CYTH4: variants seen among roughly 807,000 people sequenced by gnomAD.
CYTH4 encodes cytohesin 4.
In CYTH4, 22 loss-of-function variants were observed where a neutral mutation model predicts 57.5. The observed-to-expected ratio is 0.38, with a 90% CI of 0.27 to 0.55. CYTH4 has a LOEUF of 0.55. CYTH4 is among the 20% of genes least tolerant of loss of function. The pLI, the probability that CYTH4 is intolerant of heterozygous loss-of-function variation, is 0.74. For missense variants in CYTH4, 420 were observed against 535.6 expected (o/e 0.78, Z 2.13); for synonymous variants, 186 against 206.5 (o/e 0.90, Z 0.85).
chr22:37,286,758 G>C (rs759701592), intron 1 of CYTH4, among the ~76,000 whole-genome samples: 4 of 152,150 alleles, frequency 2.6e-5, no homozygotes, highest in African/African-American at 9.7e-5. Context: ...GAGCTGGGAC[G>C]GGGAGGGGCA....
intron 1 of CYTH4, among the ~76,000 whole-genome samples, chr22:37,283,955 C>T (rs1370081434): frequency 1.3e-5 from 2 of 151,976 alleles, no homozygotes; most frequent in African/African-American, 4.8e-5. Context: ...CTTTCGGGTC[C>T]TAACATACTG....
At chr22:37,289,183 G>A (rs1178205722) in intron 1 of CYTH4, among the ~76,000 whole-genome samples, 5 of 152,248 alleles carry the variant, frequency 3.3e-5, no homozygotes, top group African/African-American at 7.2e-5. Context: ...CCGCTCCCAC[G>A]GGGTCATCCA....
At chr22:37,297,542 G>A (rs759641890) in intron 4 of CYTH4, 22 bp from the exon 5 acceptor site, 36 of 1,607,906 alleles carry the variant, frequency 2.2e-5, no homozygotes, top group Middle Eastern at 1.7e-4. Context: ...AGCTGCTCAC[G>A]GCTTCTGTGT....
chr22:37,282,714 G>A, intron 1 of CYTH4, 126 bp downstream of exon 1: 1 of 860,462 alleles, frequency 1.2e-6, no homozygotes, highest in East Asian at 2.8e-5. Flanking sequence ...GCTGCAAGAA[G>A]CAAACATTTG....
At chr22:37,306,349 G>T (rs1211932327) in intron 8 of CYTH4, among the ~76,000 whole-genome samples, 3 of 152,214 alleles carry the variant, frequency 2.0e-5, no homozygotes, top group East Asian at 1.9e-4. Context: ...CCTTGCCCAG[G>T]CCTCTCGGTC....
intron 2 of CYTH4, among the ~76,000 whole-genome samples, chr22:37,294,139 C>T (rs56229578): frequency 0.023 from 3,275 of 140,032 alleles, 126 homozygotes; most frequent in African/African-American, 0.083. Flanking sequence ...AGACACCAGC[C>T]GGGAGAGGCA....
At chr22:37,284,134 C>A (rs1276194115) in intron 1 of CYTH4, among the ~76,000 whole-genome samples, 1 of 152,144 alleles carries the variant, frequency 6.6e-6, no homozygotes, top group Non-Finnish European at 1.5e-5. Flanking sequence ...ATGGAGAGGG[C>A]AGGGGAGGGG....
In CYTH4 at chr22:37,309,285, T is replaced by C; in HGVS notation, c.770T>C (p.Phe257Ser). The stretch of plus-strand genomic sequence containing the variant: ...GACGGCAATGACCTCACTCACACCT[T>C]CTTCAATCCAGACCGGGAGGGTTGG... ...EDDGNDLTHT[F>S]FNPDREGWLL... The change falls in exon 9 of 13, where the codon TTC becomes TCC. Residue 257 changes from phenylalanine (F) to serine (S), a missense_variant. Coordinates refer to ENST00000248901, the MANE Select transcript of CYTH4 (RefSeq NM_013385.5). 6.2e-7 allele frequency: 1 copy of C among 1,614,082 alleles called. No homozygotes were observed. Among genetic ancestry groups the C allele is most frequent in the Non-Finnish European group, 8.5e-7 (1 of 1,179,972 alleles).
At chr22:37,294,815 C>T in intron 3 of CYTH4, 91 bp downstream of exon 3, 7 of 1,456,930 alleles carry the variant, frequency 4.8e-6, no homozygotes, top group Admixed American at 1.7e-5. Context: ...CACTCCCAGC[C>T]CCCTGGACCT....
chr22:37,312,262 G>A, intron 12 of CYTH4, 88 bp downstream of exon 12: 2 of 1,526,798 alleles, frequency 1.3e-6, no homozygotes, highest in Non-Finnish European at 1.8e-6. Context: ...ATCTGTAAAG[G>A]GGCTAACTCC....
At chr22:37,309,147 C>G in intron 8 of CYTH4, 65 bp from the exon 9 acceptor site, 1 of 1,450,272 alleles carries the variant, frequency 6.9e-7, no homozygotes. Flanking sequence ...CAGGCCAGGC[C>G]AGGCCTAGGC....
At chr22:37,290,275 A>G (rs755491088) in intron 1 of CYTH4, among the ~76,000 whole-genome samples, 3 of 152,124 alleles carry the variant, frequency 2.0e-5, no homozygotes, top group Non-Finnish European at 4.4e-5. Context: ...CCTGTGTCCA[A>G]CAATCCTCAG....
In CYTH4 at chr22:37,313,939, G is replaced by T. The variant is rs759347904; in HGVS notation, c.*428G>T. The T allele has an allele frequency of 2.1e-5, 5 of 236,810 alleles. No homozygotes were observed. In the Admixed American group the frequency reaches 2.5e-4, roughly 12 times the overall value. The allele number at this position is 236,810 out of a possible 1,614,324, so 14.7% of individuals were successfully genotyped here. ...CTAAGTGATTCTTCTCCCTGGCAAG[G>T]CTCTTCCTTTTCAGGGATATCTCTG... On this transcript the variant is annotated 3_prime_UTR_variant, in exon 13 of 13. Transcript: ENST00000248901.
rs776109061 is a variant in CYTH4, at chr22:37,303,273, C to T, written c.567C>T (p.Ser189=). ...FQSTDTCYVL[S]FSIIMLNTSL... ...CCGCAGACACCTGCTACGTGTTGTC[C>T]TTCTCCATCATCATGCTCAACACCA... Residue 189 remains serine (S), a synonymous_variant, in exon 8 of 13, where the codon TCC becomes TCT. Transcript: ENST00000248901. 3 of 1,614,192 alleles carry T rather than the reference C, an allele frequency of 1.9e-6. No individual in the cohort carries two copies. The Admixed American group carries it at 5.0e-5, about 27-fold the overall frequency.
rs764794103 is a variant in CYTH4 at position 37,303,421 on chromosome 22, A to ACCTC, written c.696+21_696+22insTCCC. 1.9e-6 allele frequency: 3 copies of ACCTC among 1,608,910 alleles called. No individual in the cohort carries two copies. Among genetic ancestry groups the ACCTC allele is most frequent in the Non-Finnish European group, 2.5e-6 (3 of 1,177,800 alleles). ...GCTGCGGGTGAGAGAGGCGCAGCCC[A>ACCTC]CCCAGCCTGGCCCCGGGGAATCCAG... On this transcript the variant is annotated intron_variant, in intron 8 of 12. Coordinates refer to ENST00000248901, the MANE Select transcript of CYTH4 (RefSeq NM_013385.5).
At chr22:37,300,697 C>G (rs1387980207) in intron 6 of CYTH4, among the ~76,000 whole-genome samples, 1 of 152,230 alleles carries the variant, frequency 6.6e-6, no homozygotes, top group Non-Finnish European at 1.5e-5. Context: ...TGCTTAGTTC[C>G]GTATTCTGCA....
chr22:37,287,871 G>A (rs1355065722), intron 1 of CYTH4, among the ~76,000 whole-genome samples: 5 of 152,206 alleles, frequency 3.3e-5, no homozygotes, highest in African/African-American at 9.7e-5. Flanking sequence ...CTGGCATGGA[G>A]TAGGTGTTTG....
rs143907233 is a variant in CYTH4, at chr22:37,307,908, A to G, written c.697-1304A>G. On this transcript the variant is annotated intron_variant, in intron 8 of 12. Coordinates refer to ENST00000248901, the MANE Select transcript of CYTH4 (RefSeq NM_013385.5). ...GCACCAGCAGCCACACCTTGCCCAC[A>G]GGGAACTCGCAGACCTGGCTTACTT... is the stretch of plus-strand genomic sequence containing the variant. Among the ~76,000 whole-genome samples the G allele has an allele frequency of 3.1e-3, 477 of 152,306 alleles. 2 individuals are homozygous for G. Among genetic ancestry groups the G allele is most frequent in the African/African-American group, 0.011 (469 of 41,574 alleles).
At position 37,311,929 on chromosome 22, in the gene CYTH4, A is replaced by C; in HGVS notation, c.958-91A>C. On this transcript the variant is annotated intron_variant, in intron 11 of 12. Coordinates refer to ENST00000248901, the MANE Select transcript of CYTH4 (RefSeq NM_013385.5). This position sits in a 1 kb window ranked among gnomAD's most constrained non-coding sequence, Gnocchi z 4.4. ...CTGTCGTAGGGCTGTCACGCTGATC[A>C]GGGACACTAGCGTCTGGGCTTCTCT... is the stretch of plus-strand genomic sequence containing the variant. 6.7e-7 allele frequency: 1 copy of C among 1,496,914 alleles called. No individual in the cohort carries two copies. Among genetic ancestry groups the C allele is most frequent in the Admixed American group, 1.9e-5 (1 of 53,026 alleles). The allele number at this position is 1,496,914 out of a possible 1,614,324, so 92.7% of individuals were successfully genotyped here. A position where few individuals can be genotyped will look rare whatever the true frequency, so the allele number is the denominator to read the frequency against.
Sources: gnomAD v4.1 joint callset for allele counts (sites outside exome capture counted in the v4.1 genomes callset) on GRCh38, gnomAD v4.1.1 for gene constraint, Gnocchi (gnomAD v3.1) non-coding constraint, MANE v1.5 for transcripts, NCBI Gene and HGNC (gene_info 2026-07-23, HGNC 2026-07-21) for gene names.